The following CFAP95 variants were observed in gnomAD, a reference collection of about 807,000 sequenced individuals.
The protein encoded by CFAP95 is cilia- and flagella-associated protein 95.
chr9:69,848,006 C>T, the CFAP95 span, among the ~76,000 whole-genome samples: 208 of 152,330 alleles, frequency 1.4e-3, 1 homozygote, highest in African/African-American at 4.6e-3. Flanking sequence ...TAGGCTCCCA[C>T]TCACATGAGG....
At chr9:69,855,192 C>T in the CFAP95 span, among the ~76,000 whole-genome samples, 3 of 152,200 alleles carry the variant, frequency 2.0e-5, no homozygotes, top group African/African-American at 7.2e-5. Context: ...AGCACTCATT[C>T]TGCTCCACTA....
the CFAP95 span, among the ~76,000 whole-genome samples, chr9:69,896,879 ACT>A: frequency 6.6e-6 from 1 of 151,976 alleles, no homozygotes; most frequent in Non-Finnish European, 1.5e-5. Context: ...ACACATCAAG[ACT>A]CTGTCTCTGA....
the CFAP95 span, among the ~76,000 whole-genome samples, chr9:69,862,203 T>C: frequency 0.011 from 1,717 of 152,312 alleles, 37 homozygotes; most frequent in African/African-American, 0.039. Context: ...TTGGCTAATT[T>C]CTATCTTATT....
the CFAP95 span, among the ~76,000 whole-genome samples, chr9:69,826,420 T>G: frequency 2.0e-5 from 3 of 152,188 alleles, no homozygotes; most frequent in Admixed American, 6.5e-5. Context: ...AAGCTTGTGT[T>G]ACACAGATCT....
chr9:69,863,370 G>A, the CFAP95 span, among the ~76,000 whole-genome samples: 1 of 152,102 alleles, frequency 6.6e-6, no homozygotes, highest in Non-Finnish European at 1.5e-5. Context: ...AGTAACGAGA[G>A]GCACATTTCC....
At chr9:69,905,546 T>C in the CFAP95 span, among the ~76,000 whole-genome samples, 52 of 152,302 alleles carry the variant, frequency 3.4e-4, no homozygotes, top group African/African-American at 1.2e-3. Context: ...TGGTAACAAT[T>C]ATTAAAGATA....
the CFAP95 span, among the ~76,000 whole-genome samples, chr9:69,862,505 A>G: frequency 2.6e-5 from 4 of 152,200 alleles, no homozygotes; most frequent in Non-Finnish European, 5.9e-5. Context: ...GCTCTCCTGA[A>G]TATTAAATAA....
chr9:69,830,295 G>A, the CFAP95 span, among the ~76,000 whole-genome samples: 6 of 152,164 alleles, frequency 3.9e-5, no homozygotes, highest in Non-Finnish European at 7.3e-5. Context: ...AAGGGCAAAT[G>A]GAAATATGGT....
At chr9:69,840,905 T>C in the CFAP95 span, among the ~76,000 whole-genome samples, 1 of 151,808 alleles carries the variant, frequency 6.6e-6, no homozygotes, top group African/African-American at 2.4e-5. Flanking sequence ...AGAAACACCT[T>C]CATTATGGAT....
At chr9:69,839,932 C>G in the CFAP95 span, among the ~76,000 whole-genome samples, 1 of 151,568 alleles carries the variant, frequency 6.6e-6, no homozygotes, top group African/African-American at 2.4e-5. Context: ...AGAAAATTAG[C>G]TGGGCACGGT....
the CFAP95 span, chr9:69,858,216 C>G: frequency 2.0e-6 from 1 of 493,354 alleles, no homozygotes; most frequent in Non-Finnish European, 3.7e-6. Flanking sequence ...TTTTTCTTCT[C>G]TGTAAAATTT....
the CFAP95 span, among the ~76,000 whole-genome samples, chr9:69,821,654 T>C: frequency 1.3e-5 from 2 of 152,080 alleles, no homozygotes; most frequent in Non-Finnish European, 2.9e-5. Context: ...CTAGGCTACA[T>C]ACAAGAACTT....
At chr9:69,858,309 G>T in the CFAP95 span, 1 of 308,262 alleles carries the variant, frequency 3.2e-6, no homozygotes, top group Non-Finnish European at 6.2e-6. Context: ...AAAAGGGAAG[G>T]CACCAGATGT....
the CFAP95 span, among the ~76,000 whole-genome samples, chr9:69,893,532 T>A: frequency 2.0e-5 from 3 of 152,236 alleles, no homozygotes; most frequent in Admixed American, 1.3e-4. Flanking sequence ...CATGTCCCTA[T>A]TGTCTTCCCC....
At chr9:69,873,303 A>T in the CFAP95 span, among the ~76,000 whole-genome samples, 2 of 152,194 alleles carry the variant, frequency 1.3e-5, no homozygotes, top group Non-Finnish European at 2.9e-5. Context: ...AATAAATAAG[A>T]TAAAAAAATA....
At chr9:69,903,674 G>A in the CFAP95 span, among the ~76,000 whole-genome samples, 254 of 152,266 alleles carry the variant, frequency 1.7e-3, 1 homozygote, top group African/African-American at 5.8e-3. Flanking sequence ...TAACCAACAT[G>A]GATTAACAGG....
chr9:69,880,949 G>A, the CFAP95 span, among the ~76,000 whole-genome samples: 1 of 152,020 alleles, frequency 6.6e-6, no homozygotes, highest in Admixed American at 6.6e-5. Context: ...TTTGCCACTT[G>A]TATGTCTTCT....
the CFAP95 span, among the ~76,000 whole-genome samples, chr9:69,824,471 T>A: frequency 2.8e-4 from 43 of 152,012 alleles, no homozygotes; most frequent in Non-Finnish European, 5.9e-4. Context: ...TGTTCCCAAC[T>A]GAGGTCAAAC....
the CFAP95 span, chr9:69,821,127 G>T: frequency 7.1e-7 from 1 of 1,417,480 alleles, no homozygotes. Context: ...AGAGAGAGGG[G>T]ACAGGAGTGG....
Sources: gnomAD v4.1 joint callset for allele counts (sites outside exome capture counted in the v4.1 genomes callset) on GRCh38, gnomAD v4.1.1 for gene constraint, MANE v1.5 for transcripts, NCBI Gene and HGNC (gene_info 2026-07-23, HGNC 2026-07-21) for gene names.